Variants in EPHB1 observed in about 807,000 individuals in gnomAD.
EPHB1 encodes EPH receptor B1.
Under a neutral mutation model 94.4 loss-of-function variants are expected in EPHB1, and 30 were observed. That is an observed-to-expected ratio of 0.32 (90% CI 0.24 to 0.43). The LOEUF (loss-of-function observed/expected upper bound fraction) is 0.43, where lower values mean the gene tolerates loss of function less well. Ranked by LOEUF, EPHB1 falls within the 20% of genes least tolerant of loss-of-function variation. The pLI is 1.00. For missense variants in EPHB1, 1,055 were observed against 1,308.3 expected (o/e 0.81, Z 2.99); for synonymous variants, 522 against 489.1 (o/e 1.07, Z -0.89).
chr3:134,916,008 G>T (rs912773025), intron 1 of EPHB1, among the ~76,000 whole-genome samples: 11 of 152,264 alleles, frequency 7.2e-5, no homozygotes, highest in African/African-American at 2.2e-4. Flanking sequence ...AGAGCAGATT[G>T]GTCTGTTTTA....
At chr3:135,098,611 C>CT (rs920514056) in intron 3 of EPHB1, among the ~76,000 whole-genome samples, 16 of 151,114 alleles carry the variant, frequency 1.1e-4, no homozygotes, top group Admixed American at 4.0e-4. Flanking sequence ...CACCTGCTTG[C>CT]TTTTTTTTTC....
At chr3:134,968,062 A>G (rs1444428128) in intron 3 of EPHB1, among the ~76,000 whole-genome samples, 1 of 152,228 alleles carries the variant, frequency 6.6e-6, no homozygotes, top group East Asian at 1.9e-4. Flanking sequence ...AGCTGTAGAG[A>G]AAACAGCCAT....
intron 6 of EPHB1, 81 bp from the exon 7 acceptor site, chr3:135,161,937 C>T: frequency 6.9e-7 from 1 of 1,448,066 alleles, no homozygotes; most frequent in East Asian, 2.4e-5. Flanking sequence ...AATGATGGGG[C>T]CTGAATACTC....
chr3:134,856,122 G>C (rs1407738329), intron 1 of EPHB1, among the ~76,000 whole-genome samples: 1 of 152,176 alleles, frequency 6.6e-6, no homozygotes, highest in Non-Finnish European at 1.5e-5. Flanking sequence ...AGGAAAGCAA[G>C]TTTGTAACTG....
intron 5 of EPHB1, among the ~76,000 whole-genome samples, chr3:135,150,430 C>T (rs1424602910): frequency 6.6e-6 from 1 of 152,184 alleles, no homozygotes; most frequent in Non-Finnish European, 1.5e-5. Flanking sequence ...CTGTCTTTAT[C>T]CTCCCCCATG....
chr3:134,862,545 T>G (rs572959233), intron 1 of EPHB1, among the ~76,000 whole-genome samples: 9 of 151,898 alleles, frequency 5.9e-5, no homozygotes, highest in Non-Finnish European at 1.2e-4. Flanking sequence ...AGAGTAAAAC[T>G]TTAATTAAAT....
At chr3:134,991,929 T>G (rs1046118323) in intron 3 of EPHB1, among the ~76,000 whole-genome samples, 1 of 152,274 alleles carries the variant, frequency 6.6e-6, no homozygotes, top group East Asian at 1.9e-4. Context: ...TTGTGGTGTG[T>G]GGTTACACTT....
chr3:134,798,373 G>T (rs932008703), intron 1 of EPHB1, among the ~76,000 whole-genome samples: 3 of 152,192 alleles, frequency 2.0e-5, no homozygotes, highest in African/African-American at 4.8e-5. Context: ...GGCCAGAGGG[G>T]CAGAGGAGGG....
chr3:134,951,235 C>A lies in EPHB1; in HGVS notation c.124-136C>A. ...AAGTTGCGCTTAGATGTGTTCATTT[C>A]TCAAGTCAATCTGCTGGACTGGTGA... On this transcript the variant is annotated intron_variant, in intron 2 of 15. Coordinates refer to ENST00000398015, the MANE Select transcript of EPHB1 (RefSeq NM_004441.5). This position sits in a 1 kb window ranked among gnomAD's most constrained non-coding sequence, Gnocchi z 4.5. The A allele has an allele frequency of 1.4e-6, 1 of 709,798 alleles. No individual in the cohort carries two copies. The highest frequency in any genetic ancestry group is 2.2e-6 in the Non-Finnish European group (1 of 458,844). The allele number at this position is 709,798 out of a possible 1,614,324, so 44.0% of individuals were successfully genotyped here. A position where few individuals can be genotyped will look rare whatever the true frequency, so the allele number is the denominator to read the frequency against.
rs574550530 is a variant in EPHB1, at chr3:135,241,021, C to CCTGT, written c.2347-121_2347-118dup. On this transcript the variant is annotated intron_variant, in intron 12 of 15. Transcript: ENST00000398015. The stretch of plus-strand genomic sequence containing the variant: ...TAGCTTGTGCACGAAGCAAGAATAG[C>CCTGT]CTGTCTGTCATAATTCACAAGATAT... The CCTGT allele has an allele frequency of 4.8e-4, 543 of 1,135,190 alleles. No individual in the cohort carries two copies. The East Asian group carries it at 9.7e-3, about 20-fold the overall frequency. The allele number at this position is 1,135,190 out of a possible 1,614,324, so 70.3% of individuals were successfully genotyped here.
At chr3:135,252,023 A>AAT (rs1310274136) in intron 15 of EPHB1, among the ~76,000 whole-genome samples, 1 of 152,046 alleles carries the variant, frequency 6.6e-6, no homozygotes, top group Non-Finnish European at 1.5e-5. Context: ...GTTTATAAAT[A>AAT]ATTTATAAAT....
chr3:135,254,485 T>A (rs982653535), intron 15 of EPHB1, among the ~76,000 whole-genome samples: 7 of 146,542 alleles, frequency 4.8e-5, no homozygotes, highest in African/African-American at 1.5e-4. Flanking sequence ...GTGGTTTTTG[T>A]CTTTGGCTCT....
intron 12 of EPHB1, among the ~76,000 whole-genome samples, chr3:135,210,249 AT>A (rs1163240130): frequency 5.9e-5 from 9 of 152,142 alleles, no homozygotes; most frequent in African/African-American, 1.4e-4. Context: ...TGTTACTAAA[AT>A]TTTCCATATG....
intron 6 of EPHB1, among the ~76,000 whole-genome samples, chr3:135,160,986 T>C (rs543174684): frequency 2.9e-4 from 44 of 152,344 alleles, no homozygotes; most frequent in African/African-American, 9.9e-4. Flanking sequence ...TGTGAATCTA[T>C]ATTTAAGAGT....
intron 3 of EPHB1, among the ~76,000 whole-genome samples, chr3:135,091,261 A>T (rs1310311441): frequency 6.6e-6 from 1 of 152,218 alleles, no homozygotes; most frequent in Non-Finnish European, 1.5e-5. Flanking sequence ...CAGCAGGCTC[A>T]TGCTTATGAT....
At chr3:134,937,685 G>T (rs1369911635) in intron 2 of EPHB1, among the ~76,000 whole-genome samples, 6 of 152,170 alleles carry the variant, frequency 3.9e-5, no homozygotes, top group African/African-American at 1.4e-4. Context: ...GTGACTCTCT[G>T]CTCCTCTGTC....
At chr3:135,233,109 C>T (rs1294662233) in intron 12 of EPHB1, among the ~76,000 whole-genome samples, 1 of 152,208 alleles carries the variant, frequency 6.6e-6, no homozygotes, top group African/African-American at 2.4e-5. Flanking sequence ...ATAGTCATGC[C>T]ATTCCGGCAG....
chr3:134,853,244 A>G (rs2037030575), intron 1 of EPHB1, among the ~76,000 whole-genome samples: 1 of 152,138 alleles, frequency 6.6e-6, no homozygotes, highest in South Asian at 2.1e-4. Context: ...TGAGCTGGTG[A>G]GTGCTGCTGC....
chr3:134,952,340 T>TA (rs1933065769), intron 3 of EPHB1, among the ~76,000 whole-genome samples: 2 of 149,354 alleles, frequency 1.3e-5, no homozygotes, highest in South Asian at 4.3e-4. Flanking sequence ...GTGTTGAATT[T>TA]ATCTCTCTCT....
Sources: allele counts gnomAD v4.1 joint callset (sites outside exome capture counted in the v4.1 genomes callset), GRCh38; gene constraint gnomAD v4.1.1; non-coding constraint Gnocchi (gnomAD v3.1); transcripts MANE v1.5; gene names NCBI Gene and HGNC (gene_info 2026-07-23, HGNC 2026-07-21).